Variants in GANAB observed in about 807,000 individuals in gnomAD.
GANAB encodes the protein neutral alpha-glucosidase AB.
GANAB carries 35 observed loss-of-function variants against 129.9 expected under a neutral mutation model. That is an observed-to-expected ratio of 0.27 (90% confidence interval 0.21 to 0.36). The LOEUF (loss-of-function observed/expected upper bound fraction) is 0.36. Among genes scored for constraint, GANAB ranks in the 10% least tolerant of loss-of-function variants. The pLI is 1.00. For missense variants in GANAB, 939 were observed against 1,221.0 expected, an observed-to-expected ratio of 0.77 and a Z score of 3.44; for synonymous variants, 482 against 451.8, an observed-to-expected ratio of 1.07 and a Z score of -0.85.
chr11:62,628,712 T>C, intron 17 of GANAB, 57 bp downstream of exon 17: 2 of 1,577,874 alleles, frequency 1.3e-6, no homozygotes, highest in Non-Finnish European at 1.7e-6. Context: ...TGAAGCCCAG[T>C]CCCTAATACC....
At chr11:62,638,795 A>G (rs1944081744) in intron 4 of GANAB, among the ~76,000 whole-genome samples, 188 bp downstream of exon 4, 1 of 152,172 alleles carries the variant, frequency 6.6e-6, no homozygotes, top group Non-Finnish European at 1.5e-5. Flanking sequence ...TGAATGAATG[A>G]ATGAGGATAA....
chr11:62,639,311 C>A, intron 3 of GANAB, 48 bp downstream of exon 3: 1 of 1,345,958 alleles, frequency 7.4e-7, no homozygotes, highest in South Asian at 1.2e-5. Flanking sequence ...CAAATTACCC[C>A]ACAGCCATTG....
chr11:62,627,375 AAAG>A lies in GANAB; in HGVS notation c.2181-25_2181-23del, dbSNP rs776795590. ...GGGCCTAGGAAGGAAGAAAGACAATAAAGGAAAACTTTTCAATTTTGGCACAAG... is the reference window on the plus strand; with the variant it reads ...GGGCCTAGGAAGGAAGAAAGACAATAGAAAACTTTTCAATTTTGGCACAAG... On this transcript the variant is annotated intron_variant, in intron 17 of 23. Coordinates refer to ENST00000356638, the MANE Select transcript of GANAB (RefSeq NM_198334.3). 19 of 1,406,236 alleles carry A rather than the reference AAAG, an allele frequency of 1.4e-5. No homozygotes were observed. The Admixed American group carries it at 3.2e-4, about 24-fold the overall frequency. 87.1% of individuals were successfully genotyped at this position (1,406,236 alleles called of 1,614,324 possible).
intron 17 of GANAB, 26 bp from the exon 18 acceptor site, chr11:62,627,379 GA>G (rs1463009556): frequency 1.5e-6 from 2 of 1,370,652 alleles, no homozygotes; most frequent in Non-Finnish European, 2.1e-6. Flanking sequence ...GACAATAAAG[GA>G]AAACTTTTCA....
At position 62,629,204 on chromosome 11, in the gene GANAB, G is replaced by A; in HGVS notation, c.1926C>T (p.Ser642=). The A allele has an allele frequency of 6.2e-7, 1 of 1,611,328 alleles. No homozygotes were observed. The highest frequency in any genetic ancestry group is 1.1e-5 in the South Asian group (1 of 91,010). The change falls in exon 16 of 24, where the codon TCC becomes TCT. Residue 642 remains serine, a synonymous_variant. Transcript: ENST00000356638. ...TCCTCCCTGTCTTACCCCCACAGAA[G>A]GAAAGTCCCACCAGCCCCAAGCTGA... ...MCLSLGLVGL[S]FCGADVGGFF...
intron 9 of GANAB, 79 bp from the exon 10 acceptor site, chr11:62,631,262 C>A: frequency 7.5e-7 from 1 of 1,340,946 alleles, no homozygotes; most frequent in South Asian, 1.5e-5. Context: ...TAGCAATTTT[C>A]TCCCAGAGTC....
chr11:62,624,839 A>G lies in GANAB; in HGVS notation c.*976T>C, dbSNP rs1026841015. 3 of 221,934 alleles carry G rather than the reference A, an allele frequency of 1.4e-5. No homozygotes were observed. Among genetic ancestry groups the G allele is most frequent in the South Asian group, 5.5e-5 (1 of 18,264 alleles). The allele number at this position is 221,934 out of a possible 1,614,324, so 13.7% of individuals were successfully genotyped here. On this transcript the variant is annotated 3_prime_UTR_variant, in exon 24 of 24. Transcript: ENST00000356638. ...GACTACCACCAGTTATTTATGGTTT[A>G]TCCCTTTATTGTTTCTCCTTTGATC...
At chr11:62,633,545 C>T in intron 5 of GANAB, 31 bp from the exon 6 acceptor site, 2 of 1,597,064 alleles carry the variant, frequency 1.3e-6, no homozygotes, top group Non-Finnish European at 8.6e-7. Flanking sequence ...CTGCTCCAAT[C>T]CAGAGGGGGC....
Position 62,625,734 on chromosome 11 carries a change from C to T in GANAB, c.*81G>A, listed in dbSNP as rs146543067. ...TAGCATAAGTGAAGTCTGGGGAGGG[C>T]CGAACTCCAAGGCAGAAGAAAGAAT... On this transcript the variant is annotated 3_prime_UTR_variant, in exon 24 of 24. Coordinates refer to ENST00000356638, the MANE Select transcript of GANAB (RefSeq NM_198334.3). The T allele has an allele frequency of 1.1e-3, 994 of 910,404 alleles. 8 individuals are homozygous for T. The Middle Eastern group carries it at 0.016, about 14-fold the overall frequency. The allele number at this position is 910,404 out of a possible 1,614,324, so 56.4% of individuals were successfully genotyped here. A position where few individuals can be genotyped will look rare whatever the true frequency, so the allele number is the denominator to read the frequency against.
chr11:62,640,309 G>A (rs1317024243), intron 1 of GANAB, among the ~76,000 whole-genome samples: 10 of 139,064 alleles, frequency 7.2e-5, no homozygotes, highest in Admixed American at 3.0e-4. Flanking sequence ...TGAAGTGGGC[G>A]GATCACGAGG....
Position 62,633,019 on chromosome 11 carries a change from C to T in GANAB, c.801G>A (p.Arg267=), listed in dbSNP as rs775631859. Residue 267 remains arginine, a synonymous_variant, in exon 8 of 24, where the codon AGG becomes AGA. Coordinates refer to ENST00000356638, the MANE Select transcript of GANAB (RefSeq NM_198334.3). Reference sequence around the variant, plus strand: ...ATAGGACTCACTCAGTGACCTTCAGCCTCAGGTTGTCTGCATGCTCAGGGA... The same window carrying T: ...ATAGGACTCACTCAGTGACCTTCAGTCTCAGGTTGTCTGCATGCTCAGGGA... ...YGIPEHADNL[R]LKVTEGGEPY... is the part of the protein sequence containing the mutation. 15 of 1,599,844 alleles carry T rather than the reference C, an allele frequency of 9.4e-6. No individual in the cohort carries two copies. The highest frequency in any genetic ancestry group is 1.3e-5 in the Non-Finnish European group (15 of 1,166,986).
At position 62,633,002 on chromosome 11, in the gene GANAB, C is replaced by T. The variant is rs150782792; in HGVS notation, c.815+3G>A. On this transcript the variant is annotated splice_donor_region_variant and intron_variant, in intron 8 of 23. Transcript: ENST00000356638. ...ATCTTCCTGATGTCACCATAGGACT[C>T]ACTCAGTGACCTTCAGCCTCAGGTT... is the stretch of plus-strand genomic sequence containing the variant. 87 of 1,543,994 alleles carry T rather than the reference C, an allele frequency of 5.6e-5. No individual in the cohort carries two copies. The highest frequency in any genetic ancestry group is 3.6e-4 in the East Asian group (16 of 44,572).
At chr11:62,630,147 G>A in intron 13 of GANAB, 50 bp downstream of exon 13, 1 of 1,434,146 alleles carries the variant, frequency 7.0e-7, no homozygotes. Context: ...GAGATTCAGG[G>A]AGGCAGGTGG....
intron 1 of GANAB, among the ~76,000 whole-genome samples, chr11:62,645,474 T>C (rs1944437976): frequency 6.7e-6 from 1 of 149,260 alleles, no homozygotes; most frequent in South Asian, 2.1e-4. Flanking sequence ...AGGCGGAGCT[T>C]GCAGTGAGCC....
intron 4 of GANAB, among the ~76,000 whole-genome samples, chr11:62,638,715 G>C (rs1360883662): frequency 6.6e-6 from 1 of 152,108 alleles, no homozygotes; most frequent in Non-Finnish European, 1.5e-5. Context: ...ACAGGGCCTT[G>C]TTTATTTCTG....
intron 1 of GANAB, among the ~76,000 whole-genome samples, chr11:62,644,604 C>A (rs895497959): frequency 8.6e-5 from 13 of 152,032 alleles, no homozygotes; most frequent in Admixed American, 8.5e-4. Flanking sequence ...TGGGCCACAG[C>A]ACAAGACTCT....
intron 4 of GANAB, 137 bp from the exon 5 acceptor site, chr11:62,635,137 A>G (rs1167577858): frequency 1.8e-6 from 1 of 556,288 alleles, no homozygotes; most frequent in Non-Finnish European, 3.2e-6. Context: ...ACAAGTTAAT[A>G]AACAGAACCA....
At chr11:62,633,569 T>G in intron 5 of GANAB, 55 bp from the exon 6 acceptor site, 1 of 1,477,494 alleles carries the variant, frequency 6.8e-7, no homozygotes, top group South Asian at 1.1e-5. Context: ...GACGAGGGGC[T>G]AGTGGAAGGA....
In GANAB at chr11:62,631,090, C is replaced by T. The variant is rs755325031; in HGVS notation, c.1090G>A (p.Val364Ile). The part of the protein sequence containing the change: ...RWMSETGIID[V>I]FLLLGPSISD... The stretch of plus-strand genomic sequence containing the variant: ...ATGGAGGGCCCCAGCAGCAGGAAGA[C>T]GTCAATGATGCCAGTCTCTGACATC... The change falls in exon 10 of 24, where the codon GTC becomes ATC. Residue 364 changes from valine to isoleucine, a missense_variant. Around this residue, in one of 5 missense-constraint regions of GANAB, gnomAD observed 220 missense variants for 295.9 expected, o/e 0.74. Transcript: ENST00000356638. 9.9e-6 allele frequency: 16 copies of T among 1,611,448 alleles called. 1 individual carries two copies. Among genetic ancestry groups the T allele is most frequent in the South Asian group, 3.3e-5 (3 of 91,044 alleles).
Sources: gnomAD v4.1 joint callset for allele counts (sites outside exome capture counted in the v4.1 genomes callset) on GRCh38, gnomAD v4.1.1 for gene constraint, gnomAD v4.1.1 regional missense constraint, MANE v1.5 for transcripts, NCBI Gene and HGNC (gene_info 2026-07-23, HGNC 2026-07-21) for gene names.